Variants in CHN2 observed in about 807,000 individuals in gnomAD.
The protein encoded by CHN2 is beta-chimaerin.
In CHN2, 35 loss-of-function variants were observed where a neutral mutation model predicts 56.3. The observed-to-expected ratio is 0.62, with a 90% CI of 0.47 to 0.82. The LOEUF is 0.82. CHN2 is among the 40% of genes least tolerant of loss of function. The probability of loss-of-function intolerance (pLI) is 0.00; values close to 1 mark genes in which losing one functional copy is unlikely to be tolerated. For missense variants in CHN2, 491 were observed against 580.5 expected, an observed-to-expected ratio of 0.85 and a Z score of 1.58; for synonymous variants, 210 against 212.8, an observed-to-expected ratio of 0.99 and a Z score of 0.12.
chr7:29,274,098 C>T (rs542924663), intron 1 of CHN2, among the ~76,000 whole-genome samples: 1 of 152,156 alleles, frequency 6.6e-6, no homozygotes, highest in East Asian at 1.9e-4. Context: ...GCAAATAATC[C>T]TTTTCATGGC....
intron 1 of CHN2, chr7:29,293,016 A>C (rs77169613): frequency 2.2e-6 from 1 of 456,178 alleles, no homozygotes; most frequent in African/African-American, 2.0e-5. Flanking sequence ...CAGCCTCTGC[A>C]TGCTGAGCCT....
At chr7:29,419,376 ACTC>A (rs1804100148) in intron 6 of CHN2, among the ~76,000 whole-genome samples, 1 of 152,084 alleles carries the variant, frequency 6.6e-6, no homozygotes, top group Admixed American at 6.6e-5. Context: ...AAATTATAGA[ACTC>A]CTAGAAGAAA....
chr7:29,479,874 T>A, intron 6 of CHN2: 1 of 1,386,230 alleles, frequency 7.2e-7, no homozygotes, highest in Non-Finnish European at 9.3e-7. Context: ...TTTGCTATTG[T>A]TCCAGGCGCA....
intron 1 of CHN2, among the ~76,000 whole-genome samples, chr7:29,339,752 C>T (rs1439385543): frequency 1.3e-5 from 2 of 151,736 alleles, no homozygotes; most frequent in Non-Finnish European, 2.9e-5. Context: ...ACTTGGGAGG[C>T]TAAGGCAGGA....
Position 29,512,634 on chromosome 7 carries a change from A to T in CHN2, c.1306A>T (p.Met436Leu). Residue 436 changes from methionine to leucine, a missense_variant, in exon 13 of 13, where the codon ATG becomes TTG. Physicochemically the swap from Met to Leu is conservative, Grantham distance 15 (BLOSUM62 2). Coordinates refer to ENST00000222792, the MANE Select transcript of CHN2 (RefSeq NM_004067.4). ...NLGIVFGPTL[M>L]RPPEDSTLTT... ...GGGGATCGTGTTTGGGCCCACTCTG[A>T]TGAGGCCCCCTGAGGACAGCACCCT... 1 of 1,614,196 alleles carries T rather than the reference A, an allele frequency of 6.2e-7. No homozygotes were observed.
chr7:29,441,901 C>T (rs905628237), intron 6 of CHN2, among the ~76,000 whole-genome samples: 3 of 152,078 alleles, frequency 2.0e-5, no homozygotes, highest in African/African-American at 7.2e-5. Context: ...AAGTAGAATA[C>T]CATATAACTC....
chr7:29,492,758 T>A (rs560296461), intron 7 of CHN2, among the ~76,000 whole-genome samples: 1 of 152,346 alleles, frequency 6.6e-6, no homozygotes, highest in East Asian at 1.9e-4. Flanking sequence ...GTCTTACTTC[T>A]ACCCTCAGCC....
intron 10 of CHN2, among the ~76,000 whole-genome samples, chr7:29,505,564 G>C (rs867293002): frequency 6.6e-6 from 1 of 152,172 alleles, no homozygotes; most frequent in African/African-American, 2.4e-5. Context: ...CCATGAAGAA[G>C]TGCCTTGGCT....
rs1052889169 is a variant in CHN2, at chr7:29,488,872, G to A, written c.655-7080G>A. ...GCCCAAAATGTTAATCAGTAGTGCC[G>A]AGGCTAAGAAATCATGATGTATACT... On this transcript the variant is annotated intron_variant, in intron 7 of 12. Coordinates refer to ENST00000222792, the MANE Select transcript of CHN2 (RefSeq NM_004067.4). Among the ~76,000 whole-genome samples the A allele has an allele frequency of 7.9e-5, 12 of 152,290 alleles. No individual in the cohort carries two copies. In the East Asian group the frequency reaches 1.9e-3, roughly 24 times the overall value.
Position 29,194,906 on chromosome 7 carries a change from G to A in CHN2, c.-36G>A, listed in dbSNP as rs764372485. 57 of 1,519,518 alleles carry A rather than the reference G, an allele frequency of 3.8e-5. 1 individual carries two copies. The South Asian group carries it at 4.4e-4, about 12-fold the overall frequency. 94.1% of individuals were successfully genotyped at this position (1,519,518 alleles called of 1,614,324 possible). On this transcript the variant is annotated 5_prime_UTR_variant, in exon 1 of 13. Coordinates refer to ENST00000222792, the MANE Select transcript of CHN2 (RefSeq NM_004067.4). ...GGCAGCGGCGGCGGCGTCCGCACCG[G>A]GGCTGAGCGAGCAGCGACGCGAGGG...
At chr7:29,326,742 T>C (rs960157584) in intron 1 of CHN2, among the ~76,000 whole-genome samples, 1 of 152,186 alleles carries the variant, frequency 6.6e-6, no homozygotes, top group South Asian at 2.1e-4. Flanking sequence ...AAATTAGATA[T>C]TGAGCTCCTT....
At chr7:29,481,659 T>A (rs1285153676) in intron 7 of CHN2, among the ~76,000 whole-genome samples, 1 of 5,466 alleles carries the variant, frequency 1.8e-4, no homozygotes, top group Non-Finnish European at 4.4e-4. Context: ...ATGCCTCCCG[T>A]TTTTTTTTTT....
Position 29,507,219 on chromosome 7 carries a change from G to A in CHN2, c.992-9G>A. 1 of 1,592,424 alleles carries A rather than the reference G, an allele frequency of 6.3e-7. No individual in the cohort carries two copies. Reference sequence around the variant, plus strand: ...CTAATTAGGACTTGGATCACTGATTGTTTTTCAGATGGTGAAAAGGCCGAT... The same window carrying A: ...CTAATTAGGACTTGGATCACTGATTATTTTTCAGATGGTGAAAAGGCCGAT... On this transcript the variant is annotated splice_polypyrimidine_tract_variant and intron_variant, in intron 10 of 12. Coordinates refer to ENST00000222792, the MANE Select transcript of CHN2 (RefSeq NM_004067.4).
At chr7:29,274,496 A>G (rs565237907) in intron 1 of CHN2, among the ~76,000 whole-genome samples, 19 of 152,334 alleles carry the variant, frequency 1.2e-4, no homozygotes, top group East Asian at 9.6e-4. Context: ...GTGCAAAATC[A>G]TCTCACTTAA....
At chr7:29,385,093 C>T (rs1800815858) in intron 3 of CHN2, among the ~76,000 whole-genome samples, 1 of 152,122 alleles carries the variant, frequency 6.6e-6, no homozygotes. Context: ...TAGTCTGTTC[C>T]ATTTTGTATT....
At chr7:29,238,491 A>G (rs1044623706) in intron 1 of CHN2, among the ~76,000 whole-genome samples, 2 of 152,198 alleles carry the variant, frequency 1.3e-5, no homozygotes, top group Non-Finnish European at 2.9e-5. Flanking sequence ...TTTAACATAT[A>G]TTGATCATGA....
chr7:29,208,422 A>C (rs1784679068), intron 1 of CHN2, among the ~76,000 whole-genome samples: 1 of 152,056 alleles, frequency 6.6e-6, no homozygotes. Flanking sequence ...TTTCCTGGCA[A>C]CCCCTAGAGG....
At chr7:29,306,158 T>A (rs1026501047) in intron 1 of CHN2, among the ~76,000 whole-genome samples, 8 of 152,202 alleles carry the variant, frequency 5.3e-5, no homozygotes, top group African/African-American at 1.9e-4. Context: ...GGTATGTGAT[T>A]ATTCATTGAT....
intron 1 of CHN2, among the ~76,000 whole-genome samples, chr7:29,297,302 C>T (rs1240879448): frequency 6.6e-6 from 1 of 152,178 alleles, no homozygotes; most frequent in Non-Finnish European, 1.5e-5. Context: ...CTGGGGACCC[C>T]TTTACACCTG....
Sources: allele counts gnomAD v4.1 joint callset (sites outside exome capture counted in the v4.1 genomes callset), GRCh38; gene constraint gnomAD v4.1.1; transcripts MANE v1.5; gene names NCBI Gene and HGNC (gene_info 2026-07-23, HGNC 2026-07-21).